Variants in EIF4G3 observed in about 807,000 individuals in gnomAD.
EIF4G3 encodes eukaryotic translation initiation factor 4 gamma 3, also known as eIF-4-gamma 3.
EIF4G3 carries 34 observed loss-of-function variants against 186.4 expected under a neutral mutation model. That is an observed-to-expected ratio of 0.18 (90% CI 0.14 to 0.24). The LOEUF is 0.24. EIF4G3 is among the 10% of genes least tolerant of loss of function. The pLI is 1.00. For synonymous variants in EIF4G3, 673 were observed against 679.5 expected, an observed-to-expected ratio of 0.99 and a Z score of 0.15; for missense variants, 1,536 against 1,948.5, an observed-to-expected ratio of 0.79 and a Z score of 3.99.
intron 18 of EIF4G3, 64 bp downstream of exon 18, chr1:20,893,453 G>A: frequency 1.4e-6 from 2 of 1,478,934 alleles, no homozygotes; most frequent in East Asian, 2.4e-5. Context: ...CTTGCCATGA[G>A]GTAGGATTTC....
chr1:20,911,256 A>AT (rs1348813458), intron 14 of EIF4G3, among the ~76,000 whole-genome samples: 1 of 152,134 alleles, frequency 6.6e-6, no homozygotes, highest in East Asian at 1.9e-4. Context: ...AAATAGCATC[A>AT]TTCCACGTAG....
chr1:20,890,961 A>G (rs567991489), intron 18 of EIF4G3, among the ~76,000 whole-genome samples: 4 of 152,358 alleles, frequency 2.6e-5, no homozygotes, highest in Non-Finnish European at 5.9e-5. Context: ...CTTCTGACAC[A>G]GAACAAAGCT....
At chr1:21,051,122 GAACA>G (rs113841979) in intron 3 of EIF4G3, 128 bp from the exon 4 acceptor site, 332 of 581,866 alleles carry the variant, frequency 5.7e-4, no homozygotes, top group African/African-American at 4.6e-3. Context: ...GCACGAGACT[GAACA>G]AACACTTAAA....
intron 2 of EIF4G3, among the ~76,000 whole-genome samples, chr1:21,142,347 AAT>A (rs2097355241): frequency 6.6e-6 from 1 of 151,442 alleles, no homozygotes; most frequent in South Asian, 2.1e-4. Flanking sequence ...AAAAAAAAAA[AAT>A]ACAAAAATTA....
At chr1:20,963,696 G>A (rs1053463413) in intron 12 of EIF4G3, among the ~76,000 whole-genome samples, 2 of 152,162 alleles carry the variant, frequency 1.3e-5, no homozygotes, top group Admixed American at 6.5e-5. Context: ...GCTCATGCCT[G>A]TAATCCTAGA....
chr1:21,050,587 T>G (rs929412116), intron 4 of EIF4G3, among the ~76,000 whole-genome samples: 11 of 150,942 alleles, frequency 7.3e-5, no homozygotes, highest in East Asian at 1.9e-4. Context: ...TGTGGGGGGG[T>G]TTTCCAGTAA....
chr1:21,033,874 G>A (rs959943324), intron 4 of EIF4G3, among the ~76,000 whole-genome samples: 9 of 152,082 alleles, frequency 5.9e-5, no homozygotes, highest in Non-Finnish European at 1.3e-4. Flanking sequence ...GATAGACTAA[G>A]GTGAGTTCAA....
intron 18 of EIF4G3, among the ~76,000 whole-genome samples, chr1:20,889,228 A>T (rs2085175644): frequency 6.6e-6 from 1 of 152,174 alleles, no homozygotes; most frequent in African/African-American, 2.4e-5. Context: ...GCCTACTTGG[A>T]TAACCAAAGA....
chr1:21,028,283 T>A (rs2092383331), intron 4 of EIF4G3, among the ~76,000 whole-genome samples: 1 of 152,260 alleles, frequency 6.6e-6, no homozygotes, highest in Non-Finnish European at 1.5e-5. Flanking sequence ...ATTTTAAACT[T>A]TGTGCTATTT....
At chr1:21,011,806 G>A (rs760615737) in intron 4 of EIF4G3, among the ~76,000 whole-genome samples, 3 of 152,158 alleles carry the variant, frequency 2.0e-5, no homozygotes, top group Non-Finnish European at 4.4e-5. Flanking sequence ...TTAGTATACT[G>A]TATTGATCAA....
At chr1:21,101,573 A>AAAAAAAAAAAAAAAAAAC (rs1300347804) in intron 2 of EIF4G3, among the ~76,000 whole-genome samples, 7 of 140,246 alleles carry the variant, frequency 5.0e-5, no homozygotes, top group Non-Finnish European at 7.8e-5. Context: ...AAAAAAAAAA[A>AAAAAAAAAAAAAAAAAAC]AACAACAAAA....
intron 33 of EIF4G3, among the ~76,000 whole-genome samples, chr1:20,820,782 TCTG>T (rs1285543912): frequency 1.3e-5 from 2 of 152,102 alleles, no homozygotes; most frequent in Non-Finnish European, 2.9e-5. Flanking sequence ...GAATGCCTTC[TCTG>T]CTGAGAGCTG....
At chr1:20,971,715 C>G (rs1011359730) in intron 11 of EIF4G3, among the ~76,000 whole-genome samples, 13 of 152,164 alleles carry the variant, frequency 8.5e-5, no homozygotes, top group Non-Finnish European at 2.9e-5. Flanking sequence ...CTCACTGCAA[C>G]CTCCCCCTCC....
intron 27 of EIF4G3, among the ~76,000 whole-genome samples, chr1:20,852,395 C>A (rs2073609041): frequency 6.6e-6 from 1 of 152,144 alleles, no homozygotes; most frequent in Non-Finnish European, 1.5e-5. Context: ...GAAAGGGAAA[C>A]AAATATTATA....
intron 2 of EIF4G3, among the ~76,000 whole-genome samples, chr1:21,109,961 T>A (rs970731745): frequency 6.6e-6 from 1 of 152,010 alleles, no homozygotes; most frequent in Non-Finnish European, 1.5e-5. Context: ...ATTTTTGTAT[T>A]TTGGGTAGAG....
At chr1:20,901,521 A>C (rs1473258278) in intron 15 of EIF4G3, among the ~76,000 whole-genome samples, 5 of 152,176 alleles carry the variant, frequency 3.3e-5, no homozygotes, top group Non-Finnish European at 5.9e-5. Flanking sequence ...AATACAGTGC[A>C]TCCTCTTCTC....
chr1:20,810,977 C>A lies in EIF4G3; in HGVS notation c.4598-93G>T. The A allele has an allele frequency of 7.7e-7, 1 of 1,292,644 alleles. No homozygotes were observed. The allele number at this position is 1,292,644 out of a possible 1,614,324, so 80.1% of individuals were successfully genotyped here. ...TCTTTTTTCTTTTTTTGAGACAGAG[C>A]CTCACTCTATTGCCCAGGCTGGAGT... On this transcript the variant is annotated intron_variant, in intron 35 of 36. Coordinates refer to ENST00000602326, the MANE Select transcript of EIF4G3 (RefSeq NM_001391906.1). This position sits in a 1 kb window ranked among gnomAD's most constrained non-coding sequence, Gnocchi z 4.1.
chr1:20,914,386 C>G (rs2093631225), intron 14 of EIF4G3, among the ~76,000 whole-genome samples: 5 of 152,090 alleles, frequency 3.3e-5, no homozygotes, highest in Middle Eastern at 3.4e-3. Flanking sequence ...AGGAGAAACA[C>G]AGAGAGATTT....
At chr1:21,064,401 TTC>T (rs1247221053) in intron 3 of EIF4G3, 4 of 152,190 alleles carry the variant, frequency 2.6e-5, no homozygotes, top group Non-Finnish European at 4.4e-5. Flanking sequence ...TATAAATATT[TTC>T]TCTGTTACTA....
Sources: allele counts gnomAD v4.1 joint callset (sites outside exome capture counted in the v4.1 genomes callset), GRCh38; gene constraint gnomAD v4.1.1; non-coding constraint Gnocchi (gnomAD v3.1); transcripts MANE v1.5; gene names NCBI Gene and HGNC (gene_info 2026-07-23, HGNC 2026-07-21).